The following PIWIL2 variants were observed in gnomAD, a reference collection of about 807,000 sequenced individuals.
The protein encoded by PIWIL2 is piwi like RNA-mediated gene silencing 2, also known as piwi-like protein 2.
A neutral mutation model predicts 116.5 loss-of-function variants in PIWIL2; 81 were observed. The observed-to-expected ratio is 0.70, with a 90% confidence interval of 0.58 to 0.84. The LOEUF (loss-of-function observed/expected upper bound fraction) is 0.84, where lower values mean the gene tolerates loss of function less well. Ranked by LOEUF, PIWIL2 falls within the 40% of genes least tolerant of loss-of-function variation. The pLI is 0.00. For synonymous variants in PIWIL2, 489 were observed against 429.5 expected (o/e 1.14, Z -1.71); for missense variants, 1,272 against 1,212.3 (o/e 1.05, Z -0.73).
chr8:22,325,598 C>G (rs778046732), intron 20 of PIWIL2, among the ~76,000 whole-genome samples: 10 of 145,608 alleles, frequency 6.9e-5, no homozygotes, highest in Non-Finnish European at 1.5e-4. Flanking sequence ...ATTCTCCTGT[C>G]TCAGCCTGCC....
intron 10 of PIWIL2, among the ~76,000 whole-genome samples, chr8:22,297,904 C>A (rs961513523): frequency 1.5e-4 from 23 of 152,010 alleles, no homozygotes; most frequent in African/African-American, 5.5e-4. Flanking sequence ...AAAGACAGTC[C>A]GGAACAAACA....
chr8:22,326,720 G>A (rs541367083), intron 20 of PIWIL2, among the ~76,000 whole-genome samples: 32 of 152,080 alleles, frequency 2.1e-4, no homozygotes, highest in African/African-American at 3.9e-4. Context: ...TTTATTCCAC[G>A]ATTTGTTGAT....
intron 20 of PIWIL2, among the ~76,000 whole-genome samples, chr8:22,339,806 C>A (rs1233422244): frequency 6.6e-6 from 1 of 152,064 alleles, no homozygotes; most frequent in Non-Finnish European, 1.5e-5. Flanking sequence ...TTAAAATGGG[C>A]AAACATTTTG....
chr8:22,309,461 C>T (rs1258053441), intron 14 of PIWIL2, among the ~76,000 whole-genome samples: 1 of 152,068 alleles, frequency 6.6e-6, no homozygotes, highest in African/African-American at 2.4e-5. Flanking sequence ...CCTCTGCCTC[C>T]CAAGTAGCTG....
At chr8:22,332,938 A>G (rs146666860) in intron 20 of PIWIL2, among the ~76,000 whole-genome samples, 47 of 152,268 alleles carry the variant, frequency 3.1e-4, no homozygotes, top group African/African-American at 1.1e-3. Flanking sequence ...GTAAATTTAA[A>G]TCTATTCCAT....
At chr8:22,296,907 C>T (rs1830920433) in intron 10 of PIWIL2, among the ~76,000 whole-genome samples, 1 of 151,966 alleles carries the variant, frequency 6.6e-6, no homozygotes, top group African/African-American at 2.4e-5. Context: ...TTCCAACTTG[C>T]CTTTAACTTA....
At chr8:22,294,307 C>T (rs371377692) in intron 10 of PIWIL2, among the ~76,000 whole-genome samples, 28 of 142,048 alleles carry the variant, frequency 2.0e-4, no homozygotes, top group African/African-American at 7.2e-4. Flanking sequence ...CATTACACTC[C>T]AGCCTGGGTG....
intron 7 of PIWIL2, 80 bp downstream of exon 7, chr8:22,287,725 G>A: frequency 1.1e-6 from 1 of 904,514 alleles, no homozygotes; most frequent in East Asian, 2.4e-5. Context: ...GCTTTTAAGA[G>A]ATTGGGTCTT....
chr8:22,320,657 C>G (rs899685959), intron 20 of PIWIL2, among the ~76,000 whole-genome samples: 2 of 151,752 alleles, frequency 1.3e-5, no homozygotes, highest in Non-Finnish European at 2.9e-5. Context: ...ATGGCACAAT[C>G]TGGGCTCACT....
At chr8:22,321,286 A>C (rs187714917) in intron 20 of PIWIL2, among the ~76,000 whole-genome samples, 170 of 151,892 alleles carry the variant, frequency 1.1e-3, no homozygotes, top group African/African-American at 4.0e-3. Context: ...AATTGTTAAA[A>C]ATTTTTAGTA....
rs951523832 is a variant in PIWIL2 at position 22,290,268 on chromosome 8, G to A, written c.1103G>A (p.Arg368Gln). Residue 368 changes from arginine (R) to glutamine (Q), a missense_variant, in exon 10 of 23, where the codon CGA becomes CAA. Transcript: ENST00000356766. ...QIWPGYAASI[R>Q]RTDGGLFLLA... ...TGGCCAGGCTATGCAGCTAGCATCC[G>A]AAGGACAGATGGAGGGCTCTTCCTG... 4 of 1,611,282 alleles carry A rather than the reference G, an allele frequency of 2.5e-6. No homozygotes were observed. Among genetic ancestry groups the A allele is most frequent in the African/African-American group, 1.3e-5 (1 of 74,874 alleles).
At chr8:22,323,534 C>A (rs1324334049) in intron 20 of PIWIL2, among the ~76,000 whole-genome samples, 4 of 152,146 alleles carry the variant, frequency 2.6e-5, no homozygotes, top group Non-Finnish European at 4.4e-5. Context: ...CCAGCCCAGT[C>A]ATTTTTTTTA....
At chr8:22,346,779 G>A (rs1400167330) in intron 20 of PIWIL2, among the ~76,000 whole-genome samples, 1 of 152,108 alleles carries the variant, frequency 6.6e-6, no homozygotes, top group East Asian at 1.9e-4. Flanking sequence ...AGGCATAGTG[G>A]TGCATGCCTG....
At chr8:22,338,448 T>TC (rs1394588836) in intron 20 of PIWIL2, among the ~76,000 whole-genome samples, 3 of 152,144 alleles carry the variant, frequency 2.0e-5, no homozygotes, top group Non-Finnish European at 4.4e-5. Flanking sequence ...CTTAGCACTT[T>TC]AGAAGACCGA....
chr8:22,331,116 C>G (rs1831851905), intron 20 of PIWIL2, among the ~76,000 whole-genome samples: 1 of 152,158 alleles, frequency 6.6e-6, no homozygotes, highest in Non-Finnish European at 1.5e-5. Flanking sequence ...GTGGAGGTTG[C>G]AGTGAGCCAA....
At position 22,304,835 on chromosome 8, in the gene PIWIL2, C is replaced by T. The variant is rs951026459; in HGVS notation, c.1422C>T (p.His474=). 1 of 1,612,646 alleles carries T rather than the reference C, an allele frequency of 6.2e-7. No individual in the cohort carries two copies. The highest frequency in any genetic ancestry group is 1.1e-5 in the South Asian group (1 of 91,054). The change falls in exon 12 of 23, where the codon CAC becomes CAT. Residue 474 remains histidine, a synonymous_variant. Coordinates refer to ENST00000356766, the MANE Select transcript of PIWIL2 (RefSeq NM_018068.5). ...AAGAGGACCAGCCATTGCTGATTCA[C>T]AGGCCCAGTGAGAGACAGGATAATC... ...VKEEDQPLLI[H]RPSERQDNHG... is the part of the protein sequence containing the mutation.
chr8:22,352,188 A>G (rs1586603461), intron 20 of PIWIL2, among the ~76,000 whole-genome samples: 2 of 152,036 alleles, frequency 1.3e-5, no homozygotes, highest in Non-Finnish European at 2.9e-5. Flanking sequence ...CAGGTGATCC[A>G]CCCGCCTTGG....
At chr8:22,309,642 T>C (rs540255563) in intron 14 of PIWIL2, among the ~76,000 whole-genome samples, 2 of 152,362 alleles carry the variant, frequency 1.3e-5, no homozygotes, top group African/African-American at 4.8e-5. Flanking sequence ...CCCGGCCCCT[T>C]TAAAATATTT....
In PIWIL2 at chr8:22,279,672, G is replaced by A. The variant is rs1054485838; in HGVS notation, c.198+88G>A. The A allele has an allele frequency of 1.5e-5, 19 of 1,274,924 alleles. 1 individual carries two copies. The Admixed American group carries it at 2.0e-4, about 13-fold the overall frequency. 79.0% of individuals were successfully genotyped at this position (1,274,924 alleles called of 1,614,324 possible). On this transcript the variant is annotated intron_variant, in intron 2 of 22. Transcript: ENST00000356766. ...TAATGGATTTCAAAGTGCTTGCAGG[G>A]CTGGGCACGGTGGCTCACGCCTGTA...
Sources: gnomAD v4.1 joint callset for allele counts (sites outside exome capture counted in the v4.1 genomes callset) on GRCh38, gnomAD v4.1.1 for gene constraint, MANE v1.5 for transcripts, NCBI Gene and HGNC (gene_info 2026-07-23, HGNC 2026-07-21) for gene names.